ADK: variants seen among roughly 807,000 people sequenced by gnomAD.
ADK encodes the protein adenosine kinase.
ADK carries 24 observed loss-of-function variants against 44.7 expected under a neutral mutation model. The ratio of observed to expected loss-of-function variants is 0.54; its 90% CI spans 0.39 to 0.76. The LOEUF (loss-of-function observed/expected upper bound fraction) is 0.76. Among genes scored for constraint, ADK ranks in the 30% least tolerant of loss-of-function variants. ADK has a pLI of 0.00. For synonymous variants in ADK, 128 were observed against 142.6 expected, an observed-to-expected ratio of 0.90 and a Z score of 0.73; for missense variants, 321 against 425.1, an observed-to-expected ratio of 0.76 and a Z score of 2.15.
chr10:74,507,694 A>T (rs911173468), intron 6 of ADK, among the ~76,000 whole-genome samples: 1 of 152,240 alleles, frequency 6.6e-6, no homozygotes, highest in Non-Finnish European at 1.5e-5. Context: ...ATGTAATCAC[A>T]TATTTAAAAA....
intron 4 of ADK, among the ~76,000 whole-genome samples, chr10:74,341,511 GAGCGAGACTCCGTCTC>G (rs1841581112): frequency 6.9e-6 from 1 of 145,040 alleles, no homozygotes; most frequent in Admixed American, 7.0e-5. Context: ...TGGACAACAA[GAGCGAGACTCCGTCTC>G]AAAAAAAAAA....
chr10:74,185,259 A>T (rs1329058192), intron 1 of ADK, among the ~76,000 whole-genome samples: 1 of 152,198 alleles, frequency 6.6e-6, no homozygotes, highest in African/African-American at 2.4e-5. Flanking sequence ...TGTAAAGGAG[A>T]GCAGGGAAAT....
chr10:74,250,976 A>C (rs1845631049), intron 3 of ADK, among the ~76,000 whole-genome samples: 3 of 152,130 alleles, frequency 2.0e-5, no homozygotes, highest in Admixed American at 2.0e-4. Flanking sequence ...TCCTGAGCTC[A>C]AGCGATTCTT....
At chr10:74,299,281 G>A (rs913117033) in intron 3 of ADK, among the ~76,000 whole-genome samples, 1 of 150,612 alleles carries the variant, frequency 6.6e-6, no homozygotes, top group Non-Finnish European at 1.5e-5. Flanking sequence ...ATCACTTGAG[G>A]TCAGGAGTTC....
At chr10:74,535,580 ATT>A (rs748264198) in intron 7 of ADK, among the ~76,000 whole-genome samples, 26 of 129,462 alleles carry the variant, frequency 2.0e-4, no homozygotes, top group East Asian at 2.2e-4. Flanking sequence ...TTTTGACCCT[ATT>A]TTTTTTTTTT....
At chr10:74,512,422 T>A (rs1027266825) in intron 6 of ADK, among the ~76,000 whole-genome samples, 1 of 135,050 alleles carries the variant, frequency 7.4e-6, no homozygotes, top group Non-Finnish European at 1.7e-5. Context: ...TTTTTTTTGG[T>A]GTTGGAAGAC....
At chr10:74,410,520 A>G (rs1844133484) in intron 6 of ADK, among the ~76,000 whole-genome samples, 1 of 152,134 alleles carries the variant, frequency 6.6e-6, no homozygotes, top group African/African-American at 2.4e-5. Flanking sequence ...CATCTCTACT[A>G]AAAATACAAA....
intron 6 of ADK, among the ~76,000 whole-genome samples, chr10:74,426,102 C>T (rs1844787512): frequency 6.6e-6 from 1 of 152,098 alleles, no homozygotes. Context: ...GCATGTATGT[C>T]TCTATACATT....
intron 6 of ADK, among the ~76,000 whole-genome samples, chr10:74,522,403 A>G (rs1192453889): frequency 1.3e-5 from 2 of 152,048 alleles, no homozygotes; most frequent in Non-Finnish European, 2.9e-5. Flanking sequence ...GGTCAGAGTG[A>G]CCTTGCTTCT....
chr10:74,549,575 A>G (rs2133772227), intron 7 of ADK, among the ~76,000 whole-genome samples: 1 of 152,162 alleles, frequency 6.6e-6, no homozygotes, highest in South Asian at 2.1e-4. Context: ...GGCTTGGACT[A>G]CAGGTGCACA....
intron 4 of ADK, among the ~76,000 whole-genome samples, chr10:74,336,363 C>G (rs1342103354): frequency 1.3e-5 from 2 of 152,062 alleles, no homozygotes; most frequent in African/African-American, 2.4e-5. Context: ...GTTCCATATT[C>G]TGTTTCATTG....
intron 9 of ADK, among the ~76,000 whole-genome samples, chr10:74,618,183 A>G (rs1315987466): frequency 6.6e-6 from 1 of 151,958 alleles, no homozygotes; most frequent in Non-Finnish European, 1.5e-5. Flanking sequence ...TAAGTTACTA[A>G]TGTATTTGTG....
Position 74,165,676 on chromosome 10 carries a change from C to G in ADK, c.65+14333C>G, listed in dbSNP as rs1363371445. Reference sequence around the variant, plus strand: ...CGTTCAGGACCTCTGACTCATGTGTCTTGCTGTTTATATTATGTATGAAGA... The same window carrying G: ...CGTTCAGGACCTCTGACTCATGTGTGTTGCTGTTTATATTATGTATGAAGA... On this transcript the variant is annotated intron_variant, in intron 1 of 10. Coordinates refer to ENST00000539909, the MANE Select transcript of ADK (RefSeq NM_006721.4). Among the ~76,000 whole-genome samples the G allele has an allele frequency of 2.0e-5, 3 of 151,156 alleles. No individual in the cohort carries two copies. The East Asian group carries it at 5.9e-4, about 30-fold the overall frequency.
At chr10:74,246,017 T>C (rs1845402316) in intron 3 of ADK, among the ~76,000 whole-genome samples, 1 of 152,110 alleles carries the variant, frequency 6.6e-6, no homozygotes, top group Admixed American at 6.5e-5. Context: ...TAAGTGTATA[T>C]TCAGGTTAAA....
chr10:74,414,034 T>C (rs575218478), intron 6 of ADK, among the ~76,000 whole-genome samples: 1 of 152,306 alleles, frequency 6.6e-6, no homozygotes, highest in African/African-American at 2.4e-5. Flanking sequence ...GTGTGGTTTG[T>C]GGCATCCCAA....
chr10:74,329,626 G>A (rs1329649740), intron 4 of ADK, among the ~76,000 whole-genome samples: 1 of 152,168 alleles, frequency 6.6e-6, no homozygotes, highest in Non-Finnish European at 1.5e-5. Flanking sequence ...GTGACCACTG[G>A]GAAACTATGG....
chr10:74,460,786 G>A (rs1283296457), intron 6 of ADK, among the ~76,000 whole-genome samples: 2 of 152,096 alleles, frequency 1.3e-5, no homozygotes, highest in Admixed American at 6.6e-5. Flanking sequence ...GACAGCATAC[G>A]ATAGATGTGT....
At chr10:74,185,967 C>A (rs1842745191) in intron 1 of ADK, among the ~76,000 whole-genome samples, 1 of 151,798 alleles carries the variant, frequency 6.6e-6, no homozygotes. Context: ...TCTGCCTCAG[C>A]CCCCTGAGTA....
chr10:74,558,638 C>G (rs935885779), intron 7 of ADK, among the ~76,000 whole-genome samples: 5 of 152,140 alleles, frequency 3.3e-5, no homozygotes, highest in Admixed American at 6.5e-5. Context: ...TCAACTAAAC[C>G]TCTTTTCTTT....
Sources: allele counts gnomAD v4.1 joint callset (sites outside exome capture counted in the v4.1 genomes callset), GRCh38; gene constraint gnomAD v4.1.1; transcripts MANE v1.5; gene names NCBI Gene and HGNC (gene_info 2026-07-23, HGNC 2026-07-21).